Variants in OR51B5 observed in about 807,000 individuals in gnomAD.
OR51B5 encodes the protein olfactory receptor family 51 subfamily B member 5, also known as olfactory receptor 51B5.
For missense variants in OR51B5, 456 were observed against 374.6 expected, an observed-to-expected ratio of 1.22 and a Z score of -1.79; for synonymous variants, 186 against 144.8, an observed-to-expected ratio of 1.28 and a Z score of -2.04.
intron 1 of OR51B5, among the ~76,000 whole-genome samples, chr11:5,470,773 G>C (rs1320862109): frequency 2.0e-5 from 3 of 152,070 alleles, no homozygotes; most frequent in Non-Finnish European, 2.9e-5. Context: ...GTAAACGCTG[G>C]TTTCCTCTCT....
intron 1 of OR51B5, chr11:5,468,389 G>A (rs903315496): frequency 7.0e-6 from 2 of 286,240 alleles, no homozygotes; most frequent in Admixed American, 9.5e-5. Flanking sequence ...GTGTACGTCT[G>A]GAGGGAGATT....
chr11:5,389,489 G>A, intron 1 of OR51B5: 1 of 1,613,886 alleles, frequency 6.2e-7, no homozygotes, highest in Non-Finnish European at 8.5e-7. Context: ...CAGCTTTCCT[G>A]GATTGGAAGG....
intron 1 of OR51B5, among the ~76,000 whole-genome samples, chr11:5,437,670 A>G (rs548584926): frequency 1.3e-5 from 2 of 152,228 alleles, no homozygotes; most frequent in Non-Finnish European, 2.9e-5. Flanking sequence ...TTGAGATTCA[A>G]ATGAGAAGAA....
intron 1 of OR51B5, among the ~76,000 whole-genome samples, chr11:5,382,032 C>T (rs943664054): frequency 6.6e-6 from 1 of 152,178 alleles, no homozygotes; most frequent in African/African-American, 2.4e-5. Flanking sequence ...ATCCTTCCTG[C>T]ATATTGTTAA....
At chr11:5,422,669 G>T (rs1850365347) in intron 1 of OR51B5, 1 of 1,614,004 alleles carries the variant, frequency 6.2e-7, no homozygotes, top group Non-Finnish European at 8.5e-7. Flanking sequence ...CTGTGTTCTG[G>T]CGGTTCTTCC....
At chr11:5,427,770 C>T (rs796642551) in intron 1 of OR51B5, among the ~76,000 whole-genome samples, 1 of 151,980 alleles carries the variant, frequency 6.6e-6, no homozygotes, top group African/African-American at 2.4e-5. Context: ...AAATGTTTTT[C>T]TACCATTATA....
At chr11:5,428,679 T>C (rs185361833) in intron 1 of OR51B5, among the ~76,000 whole-genome samples, 106 of 152,368 alleles carry the variant, frequency 7.0e-4, no homozygotes, top group Non-Finnish European at 1.3e-3. Flanking sequence ...ATTGACACCA[T>C]CTTGCTTCTA....
chr11:5,450,939 A>G (rs956080704), intron 1 of OR51B5, among the ~76,000 whole-genome samples: 1 of 152,200 alleles, frequency 6.6e-6, no homozygotes, highest in South Asian at 2.1e-4. Flanking sequence ...AAAGTAAAAA[A>G]AAAAGAAAAA....
chr11:5,350,223 T>G (rs558442053), intron 1 of OR51B5, among the ~76,000 whole-genome samples: 9 of 152,208 alleles, frequency 5.9e-5, no homozygotes, highest in African/African-American at 2.2e-4. Flanking sequence ...TTACAGGTTA[T>G]GTAACCAAAT....
intron 1 of OR51B5, among the ~76,000 whole-genome samples, chr11:5,410,898 GA>G (rs1379598637): frequency 4.0e-5 from 6 of 151,766 alleles, no homozygotes; most frequent in Non-Finnish European, 7.4e-5. Context: ...AGGATGTAAA[GA>G]AAAAAATATT....
intron 1 of OR51B5, among the ~76,000 whole-genome samples, chr11:5,419,435 A>T (rs1498476): frequency 0.82 from 124,912 of 152,084 alleles, 52,114 homozygotes; most frequent in Non-Finnish European, 0.89. Context: ...TCTTGGGTCA[A>T]AAGTATTGGA....
intron 1 of OR51B5, among the ~76,000 whole-genome samples, chr11:5,464,320 G>A (rs1348922188): frequency 3.9e-5 from 6 of 152,102 alleles, no homozygotes; most frequent in Non-Finnish European, 7.3e-5. Context: ...TAAGTTTTAG[G>A]GTACATGTGC....
chr11:5,458,506 G>A (rs551101730), intron 1 of OR51B5, among the ~76,000 whole-genome samples: 5 of 152,176 alleles, frequency 3.3e-5, no homozygotes, highest in Non-Finnish European at 7.4e-5. Flanking sequence ...GATGTTGGTA[G>A]TTTGATAGGA....
chr11:5,428,088 T>C (rs1307750172), intron 1 of OR51B5, among the ~76,000 whole-genome samples: 1 of 150,190 alleles, frequency 6.7e-6, no homozygotes, highest in Non-Finnish European at 1.5e-5. Context: ...AAAGATGTGA[T>C]ACAACAATTT....
intron 1 of OR51B5, among the ~76,000 whole-genome samples, chr11:5,381,533 C>T (rs867401517): frequency 6.6e-6 from 1 of 152,196 alleles, no homozygotes; most frequent in Non-Finnish European, 1.5e-5. Flanking sequence ...TTGGAAACTT[C>T]GTTGAACAAT....
rs1851299413 is a variant in OR51B5, at chr11:5,475,938, C to A, written n.84+29631G>T. Among the ~76,000 whole-genome samples, 8 of 152,340 alleles carry A rather than the reference C, an allele frequency of 5.3e-5. No individual in the cohort carries two copies. In the South Asian group the frequency reaches 1.7e-3, roughly 32 times the overall value. ...TGTATCTAGATCCATAGCAGCCTCA[C>A]AGTACCATCTTGTAGCATGGACCAC... On this transcript the variant is annotated intron_variant and non_coding_transcript_variant, in intron 1 of 4. Transcript: ENST00000415970.
chr11:5,401,993 GCTGTTCTCTTTTTCTTT>G (rs1849977634), intron 1 of OR51B5, among the ~76,000 whole-genome samples: 3 of 141,494 alleles, frequency 2.1e-5, no homozygotes, highest in Admixed American at 1.5e-4. Context: ...CCTCCCGCTT[GCTGTTCTCTTTTTCTTT>G]CTTTTCTTTT....
Position 5,425,807 on chromosome 11 carries a change from A to C in OR51B5, n.85-78897T>G, listed in dbSNP as rs140468295. ...TAAGAGGACATAAGATTGGATATTA[A>C]TTTTTTGAGATGTTAAATGGATCCA... is the stretch of plus-strand genomic sequence containing the variant. On this transcript the variant is annotated intron_variant and non_coding_transcript_variant, in intron 1 of 4. Transcript: ENST00000415970. 1.6e-3 allele frequency among the ~76,000 whole-genome samples: 240 copies of C among 152,286 alleles called. 1 individual carries two copies. Among genetic ancestry groups the C allele is most frequent in the Admixed American group, 2.8e-3 (43 of 15,296 alleles).
chr11:5,437,467 C>T (rs1187762032), intron 1 of OR51B5, among the ~76,000 whole-genome samples: 1 of 152,160 alleles, frequency 6.6e-6, no homozygotes. Context: ...ACTCCCACTC[C>T]CATGGTCTGC....
Sources: allele counts gnomAD v4.1 joint callset (sites outside exome capture counted in the v4.1 genomes callset), GRCh38; gene constraint gnomAD v4.1.1; transcripts MANE v1.5; gene names NCBI Gene and HGNC (gene_info 2026-07-23, HGNC 2026-07-21).